CNTNAP2: variants seen among roughly 807,000 people sequenced by gnomAD.
The protein encoded by CNTNAP2 is contactin-associated protein-like 2.
Under a neutral mutation model 155.2 loss-of-function variants are expected in CNTNAP2, and 98 were observed. The ratio of observed to expected loss-of-function variants is 0.63; its 90% CI spans 0.54 to 0.75. The LOEUF is 0.75. Among genes scored for constraint, CNTNAP2 ranks in the 30% least tolerant of loss-of-function variants. The pLI is 0.00. For synonymous variants in CNTNAP2, 651 were observed against 631.2 expected, an observed-to-expected ratio of 1.03 and a Z score of -0.47; for missense variants, 1,727 against 1,688.1, an observed-to-expected ratio of 1.02 and a Z score of -0.40.
intron 1 of CNTNAP2, among the ~76,000 whole-genome samples, chr7:146,600,563 T>C (rs1279394277): frequency 6.6e-6 from 1 of 152,150 alleles, no homozygotes; most frequent in Admixed American, 6.5e-5. Flanking sequence ...CTGTTTGTAA[T>C]GTTTTGATTA....
At chr7:146,660,766 A>G (rs577579430) in intron 1 of CNTNAP2, among the ~76,000 whole-genome samples, 3 of 152,316 alleles carry the variant, frequency 2.0e-5, no homozygotes, top group Admixed American at 6.5e-5. Flanking sequence ...AACAAATGTT[A>G]TATCTTTTAT....
intron 13 of CNTNAP2, among the ~76,000 whole-genome samples, chr7:147,664,233 G>A (rs541033256): frequency 1.3e-5 from 2 of 152,134 alleles, no homozygotes; most frequent in East Asian, 1.9e-4. Context: ...TAGTCAAGAC[G>A]GATGGATTAA....
chr7:147,957,774 A>T (rs1353353879), intron 14 of CNTNAP2, among the ~76,000 whole-genome samples: 2 of 152,164 alleles, frequency 1.3e-5, no homozygotes, highest in African/African-American at 2.4e-5. Context: ...GTAAAAAAAG[A>T]TATAAAGAAG....
intron 1 of CNTNAP2, among the ~76,000 whole-genome samples, chr7:146,673,470 G>A (rs1405765852): frequency 6.6e-6 from 1 of 152,126 alleles, no homozygotes; most frequent in Non-Finnish European, 1.5e-5. Flanking sequence ...TTTAAGTTTG[G>A]CCTAAAGGTT....
chr7:146,291,715 C>T (rs564315188), intron 1 of CNTNAP2, among the ~76,000 whole-genome samples: 1 of 151,930 alleles, frequency 6.6e-6, no homozygotes, highest in Non-Finnish European at 1.5e-5. Context: ...TAAAAAGGAC[C>T]AAATATCTAT....
intron 21 of CNTNAP2, among the ~76,000 whole-genome samples, chr7:148,315,020 AGAGAGGTTG>A (rs1478868064): frequency 6.6e-6 from 1 of 152,150 alleles, no homozygotes; most frequent in African/African-American, 2.4e-5. Context: ...AGGGATAGTG[AGAGAGGTTG>A]GAGAAGAGAG....
chr7:146,331,528 G>T (rs558884907), intron 1 of CNTNAP2, among the ~76,000 whole-genome samples: 4 of 152,052 alleles, frequency 2.6e-5, no homozygotes, highest in Non-Finnish European at 4.4e-5. Context: ...ACTCATTGCT[G>T]TTTGGTATCT....
intron 9 of CNTNAP2, among the ~76,000 whole-genome samples, chr7:147,346,441 A>T (rs539066914): frequency 6.6e-6 from 1 of 152,218 alleles, no homozygotes; most frequent in Admixed American, 6.5e-5. Context: ...GGCGTGAGCC[A>T]CCGCGCCCGG....
intron 21 of CNTNAP2, among the ~76,000 whole-genome samples, chr7:148,380,773 A>G (rs551813003): frequency 6.6e-6 from 1 of 152,298 alleles, no homozygotes; most frequent in African/African-American, 2.4e-5. Flanking sequence ...GGGATACTGC[A>G]TAATAAGTAC....
rs180891158 is a variant in CNTNAP2, at chr7:147,876,130, C to T, written c.2099-27435C>T. 5.3e-5 allele frequency among the ~76,000 whole-genome samples: 8 copies of T among 152,308 alleles called. No homozygotes were observed. The East Asian group carries it at 1.4e-3, about 26-fold the overall frequency. On this transcript the variant is annotated intron_variant, in intron 13 of 23. Transcript: ENST00000361727. ...CCTGACAACCTACCGGAAGAGAACA[C>T]TCTGCCCCGTGCTTTCCATTCTCCT...
intron 13 of CNTNAP2, among the ~76,000 whole-genome samples, chr7:147,814,822 T>C (rs936018900): frequency 6.6e-6 from 1 of 152,192 alleles, no homozygotes; most frequent in Non-Finnish European, 1.5e-5. Context: ...CATGATTATA[T>C]ATATAGTCGT....
chr7:147,875,430 A>G (rs995723588), intron 13 of CNTNAP2, among the ~76,000 whole-genome samples: 4 of 152,134 alleles, frequency 2.6e-5, no homozygotes, highest in Non-Finnish European at 4.4e-5. Context: ...CAGCCCAGGA[A>G]AAACCCAGCC....
At chr7:146,414,048 T>C (rs557940380) in intron 1 of CNTNAP2, among the ~76,000 whole-genome samples, 7 of 152,322 alleles carry the variant, frequency 4.6e-5, no homozygotes, top group South Asian at 2.1e-4. Context: ...ATGTGAACTA[T>C]GTTAACCATA....
rs559978450 is a variant in CNTNAP2 at position 148,329,575 on chromosome 7, G to A, written c.3476-54074G>A. Among the ~76,000 whole-genome samples the A allele has an allele frequency of 7.9e-5, 12 of 152,306 alleles. No individual in the cohort carries two copies. In the South Asian group the frequency reaches 8.3e-4, roughly 11 times the overall value. ...AAGATGGCCCCAGGATTTGAGTTAC[G>A]AGGCCAGTGCTGTGCTATTAGCAAC... On this transcript the variant is annotated intron_variant, in intron 21 of 23. Coordinates refer to ENST00000361727, the MANE Select transcript of CNTNAP2 (RefSeq NM_014141.6).
chr7:146,131,212 T>G (rs1327962150), intron 1 of CNTNAP2, among the ~76,000 whole-genome samples: 4 of 152,214 alleles, frequency 2.6e-5, no homozygotes, highest in African/African-American at 9.6e-5. Flanking sequence ...CCCCTTGGCA[T>G]TACTATGTTC....
intron 15 of CNTNAP2, among the ~76,000 whole-genome samples, chr7:148,045,419 T>A (rs1802758407): frequency 6.6e-6 from 1 of 152,036 alleles, no homozygotes; most frequent in South Asian, 2.1e-4. Flanking sequence ...ATGCAGTCCA[T>A]GCAGCGGGAG....
intron 11 of CNTNAP2, among the ~76,000 whole-genome samples, chr7:147,490,981 G>T (rs79223575): frequency 6.6e-5 from 10 of 152,074 alleles, no homozygotes; most frequent in East Asian, 1.9e-4. Flanking sequence ...GAGGAACTTC[G>T]CCCATGATCC....
At chr7:147,150,072 G>A (rs909560161) in intron 8 of CNTNAP2, among the ~76,000 whole-genome samples, 5 of 152,166 alleles carry the variant, frequency 3.3e-5, no homozygotes, top group African/African-American at 4.8e-5. Context: ...GACGTGTCAC[G>A]TTTTAGATGT....
intron 8 of CNTNAP2, among the ~76,000 whole-genome samples, chr7:147,262,028 C>T (rs967300963): frequency 3.3e-5 from 5 of 152,070 alleles, no homozygotes; most frequent in Admixed American, 6.5e-5. Context: ...GGGTGCTTAC[C>T]GTGAGCCAGG....
Sources: allele counts gnomAD v4.1 joint callset (sites outside exome capture counted in the v4.1 genomes callset), GRCh38; gene constraint gnomAD v4.1.1; transcripts MANE v1.5; gene names NCBI Gene and HGNC (gene_info 2026-07-23, HGNC 2026-07-21).